SVEP1: variants seen among roughly 807,000 people sequenced by gnomAD.
The protein encoded by SVEP1 is sushi, von Willebrand factor type A, EGF and pentraxin domain-containing protein 1.
SVEP1 carries 164 observed loss-of-function variants against 367.3 expected under a neutral mutation model. That is an observed-to-expected ratio of 0.45 (90% CI 0.39 to 0.51). SVEP1 has a LOEUF of 0.51. SVEP1 is among the 20% of genes least tolerant of loss of function. The pLI is 0.00. For missense variants in SVEP1, 4,117 were observed against 4,425.3 expected (o/e 0.93, Z 1.98); for synonymous variants, 1,666 against 1,611.6 (o/e 1.03, Z -0.81).
At chr9:110,443,379 G>T in intron 27 of SVEP1, 166 bp downstream of exon 27, 1 of 594,680 alleles carries the variant, frequency 1.7e-6, no homozygotes, top group Non-Finnish European at 2.6e-6. Flanking sequence ...TAGGAAAAAA[G>T]CTTCTAATAA....
chr9:110,449,110 GTCT>G (rs1828651169), intron 24 of SVEP1, among the ~76,000 whole-genome samples: 1 of 152,134 alleles, frequency 6.6e-6, no homozygotes, highest in African/African-American at 2.4e-5. Flanking sequence ...CAGATGTGCT[GTCT>G]TCTGTACTTC....
At chr9:110,572,139 G>C (rs935653620) in intron 1 of SVEP1, among the ~76,000 whole-genome samples, 1 of 152,122 alleles carries the variant, frequency 6.6e-6, no homozygotes, top group African/African-American at 2.4e-5. Context: ...AAAAAGACCA[G>C]GTGATAAATC....
intron 6 of SVEP1, among the ~76,000 whole-genome samples, chr9:110,502,814 T>C (rs888442424): frequency 3.3e-5 from 5 of 152,338 alleles, no homozygotes; most frequent in African/African-American, 1.2e-4. Context: ...GGTATAAACC[T>C]CTGTGAGTTA....
At chr9:110,448,244 GA>G (rs1490271909) in intron 24 of SVEP1, among the ~76,000 whole-genome samples, 4 of 152,202 alleles carry the variant, frequency 2.6e-5, no homozygotes, top group Non-Finnish European at 5.9e-5. Flanking sequence ...CTTTAAAACA[GA>G]AGATGTGAAT....
chr9:110,475,019 T>C (rs1042771590), intron 14 of SVEP1, among the ~76,000 whole-genome samples: 2 of 150,978 alleles, frequency 1.3e-5, no homozygotes, highest in Non-Finnish European at 3.0e-5. Context: ...ATGGTATATA[T>C]ATGTGTATCT....
intron 40 of SVEP1, among the ~76,000 whole-genome samples, chr9:110,398,581 C>A (rs549955807): frequency 2.6e-5 from 4 of 152,096 alleles, no homozygotes; most frequent in African/African-American, 9.6e-5. Context: ...GAAAATTTTT[C>A]CAGCCTACTC....
chr9:110,496,871 C>T lies in SVEP1; in HGVS notation c.1744G>A (p.Asp582Asn). ...DIEAKTLEQQ[D>N]SANVTWQIPT... ...ATCTGCCAGGTAACATTGGCAGAAT[C>T]TTGCTGTTCCAGAGTCTTAGCCTCT... Residue 582 changes from aspartate to asparagine, a missense_variant, in exon 8 of 48, where the codon GAT becomes AAT. By Grantham distance (23) the Asp-to-Asn change is conservative. Coordinates refer to ENST00000374469, the MANE Select transcript of SVEP1 (RefSeq NM_153366.4). The T allele has an allele frequency of 6.4e-7, 1 of 1,558,604 alleles. No individual in the cohort carries two copies. The highest frequency in any genetic ancestry group is 8.7e-7 in the Non-Finnish European group (1 of 1,149,824).
chr9:110,400,066 T>C (rs758550989), intron 40 of SVEP1, among the ~76,000 whole-genome samples: 6 of 152,142 alleles, frequency 3.9e-5, no homozygotes, highest in Non-Finnish European at 8.8e-5. Context: ...AGGAATGAAG[T>C]TGGTATTAGT....
At chr9:110,501,403 G>A (rs200349602) in intron 6 of SVEP1, among the ~76,000 whole-genome samples, 1 of 51,882 alleles carries the variant, frequency 1.9e-5, no homozygotes, top group African/African-American at 6.3e-5. Flanking sequence ...TAGAAAAGCT[G>A]TCTATTTTTC....
rs750658513 is a variant in SVEP1, at chr9:110,432,015, A to T, written c.5253T>A (p.Val1751=). 1.2e-6 allele frequency: 2 copies of T among 1,608,104 alleles called. No homozygotes were observed. Among genetic ancestry groups the T allele is most frequent in the Non-Finnish European group, 8.5e-7 (1 of 1,178,018 alleles). ...AAGCATGCTCACTACAATCTGATCC[A>T]ACTGCACACTCATCGACATCTAAAA... ...PSCLDVDECA[V]GSDCSEHASC... is the part of the protein sequence containing the mutation. Residue 1751 remains valine, a synonymous_variant, in exon 32 of 48, where the codon GTT becomes GTA. Coordinates refer to ENST00000374469, the MANE Select transcript of SVEP1 (RefSeq NM_153366.4).
Position 110,404,479 on chromosome 9 carries a change from C to T in SVEP1, c.9514G>A (p.Glu3172Lys). The T allele has an allele frequency of 6.2e-7, 1 of 1,614,000 alleles. No homozygotes were observed. Among genetic ancestry groups the T allele is most frequent in the South Asian group, 1.1e-5 (1 of 91,084 alleles). ...TTTTTAGGACTGCAGGAGATTCTCTCAGGGAACCAGCGACCATCTTTCTGA... is the reference window on the plus strand; with the variant it reads ...TTTTTAGGACTGCAGGAGATTCTCTTAGGGAACCAGCGACCATCTTTCTGA... Reference protein sequence around the residue: ...TCQKDGRWFPERISCSPKKCP... With the variant: ...TCQKDGRWFPKRISCSPKKCP... The change falls in exon 39 of 48, where the codon GAG becomes AAG. Residue 3172 changes from glutamate (E) to lysine (K), a missense_variant. By Grantham distance (56) the Glu-to-Lys change is moderately conservative (BLOSUM62 1). Transcript: ENST00000374469.
intron 9 of SVEP1, among the ~76,000 whole-genome samples, chr9:110,484,101 T>C (rs1360036672): frequency 6.6e-6 from 1 of 152,132 alleles, no homozygotes. Context: ...TCCTCTTATC[T>C]GAAGAGTCAA....
chr9:110,484,659 C>T (rs984711283), intron 9 of SVEP1, among the ~76,000 whole-genome samples: 1 of 151,952 alleles, frequency 6.6e-6, no homozygotes, highest in Admixed American at 6.6e-5. Flanking sequence ...AACAGACAAC[C>T]TACAGAATGA....
intron 47 of SVEP1, among the ~76,000 whole-genome samples, chr9:110,367,407 G>T (rs930473658): frequency 8.5e-6 from 1 of 117,214 alleles, no homozygotes. Context: ...CAAGTGATCC[G>T]CTTGCTGCCT....
rs34123245 is a variant in SVEP1 at position 110,430,135 on chromosome 9, T to TGG, written c.5531-133_5531-132dup. On this transcript the variant is annotated intron_variant, in intron 33 of 47. Coordinates refer to ENST00000374469, the MANE Select transcript of SVEP1 (RefSeq NM_153366.4). ...TTTTTTTTTTTTTGGTGTGTGTGTG[T>TGG]GGGGTCATGTTTAAACATGAGCCTA... is the stretch of plus-strand genomic sequence containing the variant. The TGG allele has an allele frequency of 1.1e-4, 118 of 1,116,776 alleles. No homozygotes were observed. In the African/African-American group the frequency reaches 1.2e-3, roughly 11 times the overall value. The allele number at this position is 1,116,776 out of a possible 1,614,324, so 69.2% of individuals were successfully genotyped here.
chr9:110,506,636 C>T (rs369300392), intron 5 of SVEP1, among the ~76,000 whole-genome samples: 2 of 152,286 alleles, frequency 1.3e-5, no homozygotes, highest in Non-Finnish European at 1.5e-5. Flanking sequence ...TATCATCTTC[C>T]GTAGTCTCCT....
intron 15 of SVEP1, 22 bp from the exon 16 acceptor site, chr9:110,471,619 A>G: frequency 6.4e-7 from 1 of 1,565,276 alleles, no homozygotes; most frequent in African/African-American, 1.4e-5. Context: ...ACAAAATAAA[A>G]CACAACACAA....
chr9:110,404,653 T>C (rs1413579497), intron 38 of SVEP1, 101 bp from the exon 39 acceptor site: 5 of 1,059,904 alleles, frequency 4.7e-6, no homozygotes, highest in Non-Finnish European at 7.1e-6. Context: ...AGTAGATATT[T>C]TGTGCAACAT....
intron 43 of SVEP1, among the ~76,000 whole-genome samples, chr9:110,381,738 A>G (rs1250935777): frequency 6.6e-6 from 1 of 152,118 alleles, no homozygotes; most frequent in Non-Finnish European, 1.5e-5. Flanking sequence ...TCAAGTCCTG[A>G]ATATCCTTGT....
Sources: allele counts gnomAD v4.1 joint callset (sites outside exome capture counted in the v4.1 genomes callset), GRCh38; gene constraint gnomAD v4.1.1; transcripts MANE v1.5; gene names NCBI Gene and HGNC (gene_info 2026-07-23, HGNC 2026-07-21).